The following SOX5 variants were observed in gnomAD, a reference collection of about 807,000 sequenced individuals.
SOX5 encodes the protein SRY-box transcription factor 5.
SOX5 carries 9 observed loss-of-function variants against 92.0 expected under a neutral mutation model. That is an observed-to-expected ratio of 0.10 (90% CI 0.06 to 0.17). The LOEUF is 0.17. Among genes scored for constraint, SOX5 ranks in the 10% least tolerant of loss-of-function variants. The probability of loss-of-function intolerance (pLI) is 1.00; values close to 1 mark genes in which losing one functional copy is unlikely to be tolerated. For missense variants in SOX5, 642 were observed against 944.5 expected (o/e 0.68, Z 4.20); for synonymous variants, 344 against 336.3 (o/e 1.02, Z -0.25).
At chr12:24,402,500 T>C (rs1456516081) in intron 1 of SOX5, among the ~76,000 whole-genome samples, 1 of 152,190 alleles carries the variant, frequency 6.6e-6, no homozygotes, top group Non-Finnish European at 1.5e-5. Context: ...TCTCTGCAGC[T>C]ACTCTCTTGT....
At chr12:23,779,812 T>TACAC (rs1381686254) in intron 3 of SOX5, among the ~76,000 whole-genome samples, 795 of 74,538 alleles carry the variant, frequency 0.011, 5 homozygotes, top group East Asian at 0.048. Flanking sequence ...TATATATATA[T>TACAC]ATACACACAC....
intron 6 of SOX5, among the ~76,000 whole-genome samples, chr12:23,707,310 C>T (rs1282090860): frequency 6.6e-6 from 1 of 152,080 alleles, no homozygotes; most frequent in Non-Finnish European, 1.5e-5. Flanking sequence ...TCAAGAGAGG[C>T]CTGGCATAGG....
chr12:23,707,673 T>A (rs774269997), intron 6 of SOX5, among the ~76,000 whole-genome samples: 6 of 152,178 alleles, frequency 3.9e-5, no homozygotes, highest in Non-Finnish European at 7.3e-5. Flanking sequence ...AAAATTAAAG[T>A]AATAAAGCGT....
At chr12:23,632,657 G>A (rs892165429) in intron 8 of SOX5, among the ~76,000 whole-genome samples, 1 of 152,092 alleles carries the variant, frequency 6.6e-6, no homozygotes, top group African/African-American at 2.4e-5. Context: ...ATGAGCTTCA[G>A]TATTTCATCT....
chr12:23,708,617 G>T (rs2091711049), intron 6 of SOX5, among the ~76,000 whole-genome samples: 1 of 152,160 alleles, frequency 6.6e-6, no homozygotes, highest in Admixed American at 6.6e-5. Context: ...GAAGCTACTG[G>T]CATCAGAACA....
chr12:23,700,182 A>G (rs929207676), intron 6 of SOX5, among the ~76,000 whole-genome samples: 1 of 152,086 alleles, frequency 6.6e-6, no homozygotes. Flanking sequence ...ATACGAGTGG[A>G]ATTTATATCT....
At chr12:24,364,683 G>A (rs1485056152) in intron 2 of SOX5, among the ~76,000 whole-genome samples, 1 of 151,716 alleles carries the variant, frequency 6.6e-6, no homozygotes, top group Non-Finnish European at 1.5e-5. Flanking sequence ...GAAAATCAAA[G>A]GAAGGAATGC....
At chr12:23,817,269 C>T (rs1008809431) in intron 3 of SOX5, among the ~76,000 whole-genome samples, 2 of 152,116 alleles carry the variant, frequency 1.3e-5, no homozygotes, top group Non-Finnish European at 1.5e-5. Context: ...TTATCATAAT[C>T]TTGACTCAAC....
intron 3 of SOX5, among the ~76,000 whole-genome samples, chr12:24,220,203 T>C (rs1960066460): frequency 1.3e-5 from 2 of 152,140 alleles, no homozygotes; most frequent in South Asian, 2.1e-4. Flanking sequence ...ATACTAGATA[T>C]AGAAGATAGT....
intron 3 of SOX5, among the ~76,000 whole-genome samples, chr12:23,774,093 C>G (rs988852148): frequency 1.3e-5 from 2 of 152,122 alleles, no homozygotes; most frequent in African/African-American, 4.8e-5. Flanking sequence ...GAGACAGAGA[C>G]AAAAACGGTG....
At chr12:23,954,699 T>C (rs1030212717), upstream of SOX5, among the ~76,000 whole-genome samples, 6 of 152,074 alleles carry the variant, frequency 3.9e-5, no homozygotes, top group African/African-American at 1.4e-4. Context: ...TGGTACACAA[T>C]AGCCTACAAA....
chr12:24,048,708 A>C (rs905797782), intron 4 of SOX5, among the ~76,000 whole-genome samples: 1 of 152,244 alleles, frequency 6.6e-6, no homozygotes, highest in Non-Finnish European at 1.5e-5. Flanking sequence ...CATATACCAC[A>C]GGACGAACGA....
intron 4 of SOX5, among the ~76,000 whole-genome samples, chr12:24,073,053 T>A (rs1942016640): frequency 6.6e-6 from 1 of 152,224 alleles, no homozygotes; most frequent in African/African-American, 2.4e-5. Context: ...ACAAAGATTT[T>A]TTTTCTGACA....
intron 9 of SOX5, among the ~76,000 whole-genome samples, chr12:23,576,417 A>G (rs1028959981): frequency 2.0e-5 from 3 of 152,230 alleles, no homozygotes; most frequent in Admixed American, 1.3e-4. Flanking sequence ...AATTTGATCT[A>G]AAAATGAAAA....
intron 1 of SOX5, among the ~76,000 whole-genome samples, chr12:24,485,074 T>C (rs979053750): frequency 6.6e-6 from 1 of 152,084 alleles, no homozygotes; most frequent in Non-Finnish European, 1.5e-5. Flanking sequence ...ATTTAGGTAT[T>C]AGGAAAATGG....
chr12:24,451,233 T>C (rs1326510601), intron 1 of SOX5, among the ~76,000 whole-genome samples: 1 of 152,236 alleles, frequency 6.6e-6, no homozygotes, highest in African/African-American at 2.4e-5. Flanking sequence ...GTTGGCTTTA[T>C]GACTAGTGCT....
intron 2 of SOX5, among the ~76,000 whole-genome samples, chr12:23,875,718 G>A (rs2096920596): frequency 6.6e-6 from 1 of 152,130 alleles, no homozygotes; most frequent in African/African-American, 2.4e-5. Context: ...ATGCTAGGTT[G>A]AGATTACACT....
chr12:23,799,681 C>T (rs1162674417), intron 3 of SOX5, among the ~76,000 whole-genome samples: 1 of 151,930 alleles, frequency 6.6e-6, no homozygotes, highest in South Asian at 2.1e-4. Flanking sequence ...TCAACTAATA[C>T]TTTTTTGCCT....
chr12:23,940,420 A>T (rs910424627), intron 1 of SOX5, among the ~76,000 whole-genome samples: 4 of 151,264 alleles, frequency 2.6e-5, no homozygotes, highest in African/African-American at 9.7e-5. Flanking sequence ...CTATAGAGAT[A>T]ATCTCCAAAT....
Sources: gnomAD v4.1 joint callset for allele counts (sites outside exome capture counted in the v4.1 genomes callset) on GRCh38, gnomAD v4.1.1 for gene constraint, MANE v1.5 for transcripts, NCBI Gene and HGNC (gene_info 2026-07-23, HGNC 2026-07-21) for gene names.